KIF11: variants seen among roughly 807,000 people sequenced by gnomAD.
The protein encoded by KIF11 is kinesin-like protein KIF11.
In KIF11, 9 loss-of-function variants were observed where a neutral mutation model predicts 121.0. The observed-to-expected ratio is 0.07, with a 90% CI of 0.04 to 0.13. KIF11 has a LOEUF of 0.13. Among genes scored for constraint, KIF11 ranks in the 10% least tolerant of loss-of-function variants. KIF11 has a pLI of 1.00. For synonymous variants in KIF11, 408 were observed against 421.0 expected (o/e 0.97, Z 0.38); for missense variants, 846 against 1,217.5 (o/e 0.69, Z 4.54).
At chr10:92,615,240 C>T (rs11187099) in intron 8 of KIF11, among the ~76,000 whole-genome samples, 47,018 of 151,798 alleles carry the variant, frequency 0.31, 8,212 homozygotes, top group East Asian at 0.67. Context: ...CCCATCTCTA[C>T]TAAAAAATAC....
intron 14 of KIF11, 74 bp downstream of exon 14, chr10:92,633,869 C>A: frequency 1.0e-6 from 1 of 982,468 alleles, no homozygotes; most frequent in Non-Finnish European, 1.5e-6. Context: ...TGAAGGGTTA[C>A]ATTTGATAAG....
At chr10:92,629,883 CT>C (rs1160355179) in intron 11 of KIF11, among the ~76,000 whole-genome samples, 2 of 152,188 alleles carry the variant, frequency 1.3e-5, no homozygotes, top group Non-Finnish European at 2.9e-5. Flanking sequence ...TCCCAGAGTG[CT>C]GGGGTTACAG....
intron 17 of KIF11, among the ~76,000 whole-genome samples, chr10:92,641,204 TAGG>T (rs964458784): frequency 9.2e-5 from 14 of 152,334 alleles, no homozygotes; most frequent in South Asian, 2.1e-4. Flanking sequence ...TTATAAAACA[TAGG>T]AGATTTGTCA....
chr10:92,646,555 A>G (rs1451854700), intron 18 of KIF11, among the ~76,000 whole-genome samples: 1 of 152,196 alleles, frequency 6.6e-6, no homozygotes, highest in Non-Finnish European at 1.5e-5. Context: ...AATGTATAAT[A>G]TATGAGCCTA....
intron 11 of KIF11, among the ~76,000 whole-genome samples, chr10:92,629,262 G>A (rs1457559095): frequency 1.3e-5 from 2 of 151,528 alleles, no homozygotes; most frequent in South Asian, 2.1e-4. Flanking sequence ...GATGACAGGC[G>A]TGAGCCACTG....
chr10:92,603,111 C>T (rs930620510), intron 1 of KIF11, among the ~76,000 whole-genome samples: 2 of 151,886 alleles, frequency 1.3e-5, no homozygotes, highest in Admixed American at 6.6e-5. Context: ...ATTTTTTCCA[C>T]CAAAATATCT....
intron 8 of KIF11, among the ~76,000 whole-genome samples, chr10:92,615,805 T>G (rs1194275656): frequency 1.3e-5 from 2 of 151,994 alleles, no homozygotes; most frequent in Non-Finnish European, 2.9e-5. Flanking sequence ...TTTTTACAGG[T>G]GAATATTATT....
chr10:92,616,960 T>C (rs1844563783), intron 9 of KIF11, 128 bp downstream of exon 9: 2 of 532,558 alleles, frequency 3.8e-6, no homozygotes, highest in Non-Finnish European at 3.3e-6. Context: ...ATATAGTGAT[T>C]TAAACTAAAT....
chr10:92,650,356 T>G, intron 20 of KIF11, 45 bp from the exon 21 acceptor site: 1 of 1,125,612 alleles, frequency 8.9e-7, no homozygotes, highest in Non-Finnish European at 1.4e-6. Context: ...TTGTGATGAC[T>G]TTTAAGCCCT....
At chr10:92,597,647 T>C (rs1452341858) in intron 1 of KIF11, among the ~76,000 whole-genome samples, 1 of 151,608 alleles carries the variant, frequency 6.6e-6, no homozygotes, top group Non-Finnish European at 1.5e-5. Context: ...GGTTTGTTTG[T>C]TTGTTTGTTT....
At chr10:92,639,696 C>T in intron 16 of KIF11, 98 bp from the exon 17 acceptor site, 1 of 635,834 alleles carries the variant, frequency 1.6e-6, no homozygotes, top group South Asian at 2.1e-5. Context: ...TTATATAATT[C>T]TCACCTATGG....
At chr10:92,601,749 C>T (rs1180626899) in intron 1 of KIF11, among the ~76,000 whole-genome samples, 1 of 151,232 alleles carries the variant, frequency 6.6e-6, no homozygotes, top group Non-Finnish European at 1.5e-5. Flanking sequence ...GCTATGTTTC[C>T]CATGCTGATC....
chr10:92,643,609 T>G (rs182850846), intron 17 of KIF11, among the ~76,000 whole-genome samples: 1 of 147,304 alleles, frequency 6.8e-6, no homozygotes, highest in African/African-American at 2.6e-5. Flanking sequence ...CAGGCTGGAG[T>G]GCAGTGGTGC....
At chr10:92,604,763 C>T (rs981512610) in intron 1 of KIF11, among the ~76,000 whole-genome samples, 1 of 152,076 alleles carries the variant, frequency 6.6e-6, no homozygotes, top group African/African-American at 2.4e-5. Flanking sequence ...GAAAAATGAA[C>T]TCAGGTCAAG....
chr10:92,640,928 A>G (rs1463726928), intron 17 of KIF11, among the ~76,000 whole-genome samples: 1 of 151,412 alleles, frequency 6.6e-6, no homozygotes, highest in African/African-American at 2.4e-5. Flanking sequence ...TTGTATTTTT[A>G]GTAGAGATGG....
intron 12 of KIF11, 117 bp downstream of exon 12, chr10:92,630,481 T>C: frequency 1.9e-6 from 1 of 522,732 alleles, no homozygotes; most frequent in Non-Finnish European, 3.2e-6. Flanking sequence ...TCTGTCCATT[T>C]AAAAAACATT....
intron 10 of KIF11, among the ~76,000 whole-genome samples, chr10:92,626,297 C>T (rs1277442066): frequency 2.0e-5 from 3 of 152,190 alleles, no homozygotes; most frequent in Non-Finnish European, 2.9e-5. Flanking sequence ...TTCGACAGAA[C>T]ATGCAATGGG....
At chr10:92,652,570 T>G (rs552285236) in intron 21 of KIF11, among the ~76,000 whole-genome samples, 133 of 152,312 alleles carry the variant, frequency 8.7e-4, no homozygotes, top group African/African-American at 3.2e-3. Flanking sequence ...TCTGGGCAAT[T>G]TTATTCCCAA....
chr10:92,618,936 G>T (rs1241012489), intron 9 of KIF11, among the ~76,000 whole-genome samples: 1 of 152,022 alleles, frequency 6.6e-6, no homozygotes, highest in Admixed American at 6.6e-5. Flanking sequence ...CTGGTACCCA[G>T]TAACCTGTCC....
Sources: gnomAD v4.1 joint callset for allele counts (sites outside exome capture counted in the v4.1 genomes callset) on GRCh38, gnomAD v4.1.1 for gene constraint, MANE v1.5 for transcripts, NCBI Gene and HGNC (gene_info 2026-07-23, HGNC 2026-07-21) for gene names.